The following HECTD2 variants were observed in gnomAD, a reference collection of about 807,000 sequenced individuals.
HECTD2 encodes the protein probable E3 ubiquitin-protein ligase HECTD2.
In HECTD2, 35 loss-of-function variants were observed where a neutral mutation model predicts 103.2. The observed-to-expected ratio is 0.34, with a 90% confidence interval of 0.26 to 0.45. The LOEUF (loss-of-function observed/expected upper bound fraction) is 0.45, where lower values mean the gene tolerates loss of function less well. HECTD2 is among the 20% of genes least tolerant of loss of function. The pLI is 1.00. For synonymous variants in HECTD2, 281 were observed against 329.9 expected (o/e 0.85, Z 1.61); for missense variants, 596 against 937.4 (o/e 0.64, Z 4.76).
rs563189081 is a variant in HECTD2, at chr10:91,504,499, A to G, written c.2210+3165A>G. On this transcript the variant is annotated intron_variant, in intron 20 of 20. Transcript: ENST00000298068. Reference sequence around the variant, plus strand: ...AAGAATGCAGAAGCCTCAGGAGCCAATGCGATAAACTGGAAGAAAGGGTAT... The same window carrying G: ...AAGAATGCAGAAGCCTCAGGAGCCAGTGCGATAAACTGGAAGAAAGGGTAT... Among the ~76,000 whole-genome samples the G allele has an allele frequency of 4.6e-5, 7 of 152,358 alleles. 1 individual carries two copies. The East Asian group carries it at 1.2e-3, about 25-fold the overall frequency.
At chr10:91,511,435 C>T (rs1459378951) in intron 20 of HECTD2, among the ~76,000 whole-genome samples, 2 of 152,118 alleles carry the variant, frequency 1.3e-5, no homozygotes, top group Admixed American at 6.6e-5. Flanking sequence ...ATATTATCTA[C>T]TCCTCGGCTG....
chr10:91,509,826 A>C (rs1847351618), intron 20 of HECTD2, among the ~76,000 whole-genome samples: 1 of 152,182 alleles, frequency 6.6e-6, no homozygotes, highest in Non-Finnish European at 1.5e-5. Flanking sequence ...CCTATCAGGT[A>C]CTTACTTATT....
intron 5 of HECTD2, among the ~76,000 whole-genome samples, chr10:91,464,901 A>G (rs150971617): frequency 1.2e-3 from 177 of 152,324 alleles, no homozygotes; most frequent in African/African-American, 4.2e-3. Context: ...GATATGAGGG[A>G]AAAAACCCTA....
At chr10:91,465,292 T>A (rs1393529896) in intron 5 of HECTD2, among the ~76,000 whole-genome samples, 1 of 152,222 alleles carries the variant, frequency 6.6e-6, no homozygotes, top group Non-Finnish European at 1.5e-5. Flanking sequence ...ATTGTAATGA[T>A]CTCATGGTTT....
chr10:91,512,389 G>A lies in HECTD2; in HGVS notation c.*5G>A. On this transcript the variant is annotated 3_prime_UTR_variant, in exon 21 of 21. Transcript: ENST00000298068. ...GAAGGTTTTGGACTTGAGTAACCTAGAAGACTTGAAATATAATCTTTTATA... is the reference window on the plus strand; with the variant it reads ...GAAGGTTTTGGACTTGAGTAACCTAAAAGACTTGAAATATAATCTTTTATA... 1 of 1,611,282 alleles carries A rather than the reference G, an allele frequency of 6.2e-7. No homozygotes were observed. Among genetic ancestry groups the A allele is most frequent in the Non-Finnish European group, 8.5e-7 (1 of 1,177,978 alleles).
chr10:91,499,203 T>C, intron 18 of HECTD2, 53 bp downstream of exon 18: 1 of 898,108 alleles, frequency 1.1e-6, no homozygotes, highest in South Asian at 1.6e-5. Flanking sequence ...AGTACTATCA[T>C]GTTAACAAAT....
At chr10:91,430,922 A>G (rs1026399058) in intron 2 of HECTD2, among the ~76,000 whole-genome samples, 1 of 151,202 alleles carries the variant, frequency 6.6e-6, no homozygotes, top group Admixed American at 6.6e-5. Flanking sequence ...TCCTGTCATT[A>G]TGATGTTAGC....
intron 16 of HECTD2, 57 bp downstream of exon 16, chr10:91,498,239 C>A (rs768745417): frequency 6.0e-6 from 7 of 1,170,312 alleles, no homozygotes; most frequent in Admixed American, 1.7e-5. Context: ...ATGAACAGTG[C>A]AATTTGTTAT....
In HECTD2 at chr10:91,501,349, C is replaced by G. The variant is rs761588632; in HGVS notation, c.2210+15C>G. 1 of 1,528,346 alleles carries G rather than the reference C, an allele frequency of 6.5e-7. No homozygotes were observed. Among genetic ancestry groups the G allele is most frequent in the South Asian group, 1.2e-5 (1 of 83,846 alleles). 94.7% of individuals were successfully genotyped at this position (1,528,346 alleles called of 1,614,324 possible). A position where few individuals can be genotyped will look rare whatever the true frequency, so the allele number is the denominator to read the frequency against. ...TCTACTAACTGGTAAATTTCTGGAT[C>G]TAATTTTATTTTAAATCTAAAGGTT... On this transcript the variant is annotated intron_variant, in intron 20 of 20. Transcript: ENST00000298068.
At chr10:91,419,956 A>C (rs1158634673) in intron 1 of HECTD2, among the ~76,000 whole-genome samples, 1 of 152,180 alleles carries the variant, frequency 6.6e-6, no homozygotes, top group Non-Finnish European at 1.5e-5. Context: ...TTAACGTTTA[A>C]TTTAGTCTGG....
At chr10:91,439,638 T>G (rs1844307914) in intron 2 of HECTD2, among the ~76,000 whole-genome samples, 2 of 152,166 alleles carry the variant, frequency 1.3e-5, no homozygotes, top group Admixed American at 1.3e-4. Context: ...GGTAGCTTGA[T>G]GGGGATAGCA....
intron 2 of HECTD2, among the ~76,000 whole-genome samples, chr10:91,432,727 A>G (rs1334858486): frequency 2.0e-5 from 3 of 151,968 alleles, no homozygotes; most frequent in Non-Finnish European, 4.4e-5. Flanking sequence ...GAACTCTGAC[A>G]TTTACCTTGA....
intron 20 of HECTD2, among the ~76,000 whole-genome samples, chr10:91,503,366 C>T (rs555170735): frequency 2.2e-4 from 33 of 152,210 alleles, no homozygotes; most frequent in African/African-American, 6.3e-4. Flanking sequence ...TCTGAGGTAC[C>T]GGGTTCATCT....
chr10:91,498,152 T>C lies in HECTD2; in HGVS notation c.1725T>C (p.Asn575=), dbSNP rs762677884. 2 of 1,611,972 alleles carry C rather than the reference T, an allele frequency of 1.2e-6. No homozygotes were observed. The highest frequency in any genetic ancestry group is 8.5e-7 in the Non-Finnish European group (1 of 1,178,156). ...GTGAACTCTTATCACATGAAGGCAA[T>C]GTTGAAGAAGATTTCTATTCAACAT... The part of the protein sequence containing the change: ...GLSELLSHEG[N]VEEDFYSTFQ... Residue 575 remains asparagine (N), a synonymous_variant, in exon 16 of 21, where the codon AAT becomes AAC. Coordinates refer to ENST00000298068, the MANE Select transcript of HECTD2 (RefSeq NM_182765.6).
chr10:91,482,895 T>TA (rs1846144736), intron 7 of HECTD2, 72 bp from the exon 8 acceptor site: 1 of 633,310 alleles, frequency 1.6e-6, no homozygotes, highest in African/African-American at 1.9e-5. Context: ...ACCACGTACT[T>TA]ATTAAGCTTA....
intron 20 of HECTD2, among the ~76,000 whole-genome samples, chr10:91,509,478 A>G (rs1347795288): frequency 3.3e-5 from 5 of 152,108 alleles, no homozygotes; most frequent in Non-Finnish European, 7.4e-5. Flanking sequence ...AGGAATATAA[A>G]TTATTCTGTC....
chr10:91,487,213 A>G lies in HECTD2; in HGVS notation c.1095-469A>G, dbSNP rs190278809. On this transcript the variant is annotated intron_variant, in intron 10 of 20. Coordinates refer to ENST00000298068, the MANE Select transcript of HECTD2 (RefSeq NM_182765.6). The surrounding 1 kb of genome is among the most constrained non-coding windows in gnomAD (Gnocchi z 4.1). ...TATTTTTATTGGTCTTAAATATATT[A>G]CTTTACTTTTTACATACTGTAGTTA... 2 of 171,424 alleles carry G rather than the reference A, an allele frequency of 1.2e-5. No individual in the cohort carries two copies. Among genetic ancestry groups the G allele is most frequent in the African/African-American group, 2.4e-5 (1 of 42,062 alleles). 10.6% of individuals were successfully genotyped at this position (171,424 alleles called of 1,614,324 possible). A position where few individuals can be genotyped will look rare whatever the true frequency, so the allele number is the denominator to read the frequency against.
At chr10:91,423,384 A>G (rs1400322561) in intron 1 of HECTD2, among the ~76,000 whole-genome samples, 1 of 152,198 alleles carries the variant, frequency 6.6e-6, no homozygotes, top group Non-Finnish European at 1.5e-5. Flanking sequence ...GTGTATAACA[A>G]GTACTCAACA....
intron 2 of HECTD2, among the ~76,000 whole-genome samples, chr10:91,444,489 C>T (rs750515159): frequency 6.6e-6 from 1 of 152,174 alleles, no homozygotes; most frequent in Non-Finnish European, 1.5e-5. Flanking sequence ...TGTTAACACA[C>T]TATGTTAATG....
Sources: allele counts gnomAD v4.1 joint callset (sites outside exome capture counted in the v4.1 genomes callset), GRCh38; gene constraint gnomAD v4.1.1; non-coding constraint Gnocchi (gnomAD v3.1); transcripts MANE v1.5; gene names NCBI Gene and HGNC (gene_info 2026-07-23, HGNC 2026-07-21).